The following SNX1 variants were observed in gnomAD, a reference collection of about 807,000 sequenced individuals.
SNX1 encodes sorting nexin 1.
Under a neutral mutation model 71.8 loss-of-function variants are expected in SNX1, and 36 were observed. That is an observed-to-expected ratio of 0.50 (90% CI 0.38 to 0.66). SNX1 has a LOEUF of 0.66. Among genes scored for constraint, SNX1 ranks in the 30% least tolerant of loss-of-function variants. SNX1 has a pLI of 0.00. For missense variants in SNX1, 612 were observed against 646.7 expected (o/e 0.95, Z 0.58); for synonymous variants, 254 against 240.7 (o/e 1.06, Z -0.51).
rs936916834 is a variant in SNX1 at position 64,096,003 on chromosome 15, G to A, written c.-11G>A. 1.9e-6 allele frequency: 3 copies of A among 1,595,974 alleles called. No individual in the cohort carries two copies. Among genetic ancestry groups the A allele is most frequent in the African/African-American group, 1.3e-5 (1 of 74,968 alleles). On this transcript the variant is annotated 5_prime_UTR_variant, in exon 1 of 15. Coordinates refer to ENST00000559844, the MANE Select transcript of SNX1 (RefSeq NM_003099.5). The stretch of plus-strand genomic sequence containing the variant: ...AGTTGTTGTTGCGGCTTCCGCCGCG[G>A]GTGGAAGAAGATGGCGTCGGGTGGT...
At chr15:64,104,311 C>T (rs377387237) in intron 1 of SNX1, among the ~76,000 whole-genome samples, 3 of 129,300 alleles carry the variant, frequency 2.3e-5, no homozygotes, top group South Asian at 2.4e-4. Flanking sequence ...CTCGCTGTGT[C>T]GCCCCAGCTG....
chr15:64,110,574 A>T (rs574947894), intron 1 of SNX1, among the ~76,000 whole-genome samples: 70 of 149,922 alleles, frequency 4.7e-4, no homozygotes, highest in South Asian at 4.7e-3. Context: ...TTTAAAAAAA[A>T]TTTTTTTTTT....
At position 64,142,924 on chromosome 15, in the gene SNX1, AGTTTT is replaced by A; in HGVS notation, c.*5307_*5311del. 3.6e-6 allele frequency: 1 copy of A among 278,826 alleles called. No individual in the cohort carries two copies. The highest frequency in any genetic ancestry group is 7.1e-6 in the Non-Finnish European group (1 of 140,120). The allele number at this position is 278,826 out of a possible 1,614,324, so 17.3% of individuals were successfully genotyped here. On this transcript the variant is annotated 3_prime_UTR_variant, in exon 15 of 15. Coordinates refer to ENST00000559844, the MANE Select transcript of SNX1 (RefSeq NM_003099.5). ...CCTAAAAAGTCTTTGAAGCAACTCA[AGTTTT>A]AAAAAAGGGGAGGAACTCCTGGAAA...
chr15:64,135,865 T>C lies in SNX1; in HGVS notation c.1366-465T>C, dbSNP rs2081354183. Among the ~76,000 whole-genome samples the C allele has an allele frequency of 1.3e-5, 2 of 151,672 alleles. 1 individual carries two copies. Among genetic ancestry groups the C allele is most frequent in the South Asian group, 4.2e-4 (2 of 4,816 alleles). Reference sequence around the variant, plus strand: ...TGAACCTGAGAGGCAGAGGTTGCAGTGAGCCAAGATCGCACCACTGTACTC... The same window carrying C: ...TGAACCTGAGAGGCAGAGGTTGCAGCGAGCCAAGATCGCACCACTGTACTC... On this transcript the variant is annotated intron_variant, in intron 12 of 14. Coordinates refer to ENST00000559844, the MANE Select transcript of SNX1 (RefSeq NM_003099.5).
At position 64,137,758 on chromosome 15, in the gene SNX1, C is replaced by G; in HGVS notation, c.*140C>G. On this transcript the variant is annotated 3_prime_UTR_variant, in exon 15 of 15. Transcript: ENST00000559844. Reference sequence around the variant, plus strand: ...CTCCCTGTCCCCACGACCAACTGTCCCCAGTTACTCTAACCGTTATTTCAT... The same window carrying G: ...CTCCCTGTCCCCACGACCAACTGTCGCCAGTTACTCTAACCGTTATTTCAT... 6.7e-7 allele frequency: 1 copy of G among 1,481,844 alleles called. No homozygotes were observed. The highest frequency in any genetic ancestry group is 1.8e-4 in the Middle Eastern group (1 of 5,618). 91.8% of individuals were successfully genotyped at this position (1,481,844 alleles called of 1,614,324 possible).
intron 12 of SNX1, 104 bp from the exon 13 acceptor site, chr15:64,136,226 T>A: frequency 1.2e-6 from 1 of 853,678 alleles, no homozygotes; most frequent in South Asian, 1.4e-5. Context: ...CAGACAGACA[T>A]AATGATCAAT....
chr15:64,124,709 C>T (rs545555724), intron 5 of SNX1, among the ~76,000 whole-genome samples: 15 of 152,146 alleles, frequency 9.9e-5, no homozygotes, highest in Non-Finnish European at 1.6e-4. Flanking sequence ...ATCTCTAGTA[C>T]ACACGTAGAA....
At chr15:64,130,073 T>G in intron 9 of SNX1, 44 bp downstream of exon 9, 1 of 1,525,572 alleles carries the variant, frequency 6.6e-7, no homozygotes, top group Non-Finnish European at 9.1e-7. Flanking sequence ...ACCTCAGGCT[T>G]ATGGGTCAGA....
rs11551152 is a variant in SNX1 at position 64,137,899 on chromosome 15, T to C, written c.*281T>C. ...TGGAGTATTGATATAAATATATAAATACAAATGTATATTTTTCAGGATGTG... is the reference window on the plus strand; with the variant it reads ...TGGAGTATTGATATAAATATATAAACACAAATGTATATTTTTCAGGATGTG... On this transcript the variant is annotated 3_prime_UTR_variant, in exon 15 of 15. Coordinates refer to ENST00000559844, the MANE Select transcript of SNX1 (RefSeq NM_003099.5). The C allele has an allele frequency of 0.06, 84,181 of 1,405,288 alleles. 2,808 individuals are homozygous for C. The highest frequency in any genetic ancestry group is 0.1 in the Middle Eastern group (410 of 4,092). 87.1% of individuals were successfully genotyped at this position (1,405,288 alleles called of 1,614,324 possible).
chr15:64,131,982 A>G lies in SNX1; in HGVS notation c.1221+90A>G, dbSNP rs566042027. The G allele has an allele frequency of 1.1e-5, 15 of 1,365,090 alleles. No homozygotes were observed. In the South Asian group the frequency reaches 1.5e-4, roughly 13 times the overall value. The allele number at this position is 1,365,090 out of a possible 1,614,324, so 84.6% of individuals were successfully genotyped here. ...CTTCCCAAGACAGTTTCATCCCATT[A>G]TAGCTTGTAAATAGGTGTCACTTTT... On this transcript the variant is annotated intron_variant, in intron 11 of 14. Coordinates refer to ENST00000559844, the MANE Select transcript of SNX1 (RefSeq NM_003099.5).
chr15:64,125,194 G>A (rs182413736), intron 5 of SNX1, among the ~76,000 whole-genome samples: 5 of 152,298 alleles, frequency 3.3e-5, no homozygotes, highest in Admixed American at 1.3e-4. Flanking sequence ...TTGGCGCAGT[G>A]GCTCACGCCT....
chr15:64,100,176 T>TCTTTTTTG (rs1233556687), intron 1 of SNX1, among the ~76,000 whole-genome samples: 2 of 152,220 alleles, frequency 1.3e-5, no homozygotes, highest in Admixed American at 6.5e-5. Context: ...ACTGCTGCTG[T>TCTTTTTTG]TAATCATCCC....
At chr15:64,097,469 C>T (rs1047970495) in intron 1 of SNX1, among the ~76,000 whole-genome samples, 1 of 152,106 alleles carries the variant, frequency 6.6e-6, no homozygotes, top group Non-Finnish European at 1.5e-5. Flanking sequence ...AGAAAGTTAA[C>T]GTAAGTTGAC....
rs1315681089 is a variant in SNX1 at position 64,138,103 on chromosome 15, G to C, written c.*485G>C. 6.5e-7 allele frequency: 1 copy of C among 1,535,824 alleles called. No individual in the cohort carries two copies. The highest frequency in any genetic ancestry group is 8.7e-7 in the Non-Finnish European group (1 of 1,146,890). On this transcript the variant is annotated 3_prime_UTR_variant, in exon 15 of 15. Coordinates refer to ENST00000559844, the MANE Select transcript of SNX1 (RefSeq NM_003099.5). ...CTAACCAAGAAGTTGCCCAGGTATA[G>C]TAAGTTTTTCTCTACCGTTCACAAG... is the stretch of plus-strand genomic sequence containing the variant.
At chr15:64,132,010 T>C in intron 11 of SNX1, 118 bp downstream of exon 11, 1 of 1,021,904 alleles carries the variant, frequency 9.8e-7, no homozygotes, top group Non-Finnish European at 1.5e-6. Flanking sequence ...TCACTTTTTC[T>C]ACTTTTAAGA....
chr15:64,105,149 C>T (rs1479044986), intron 1 of SNX1, among the ~76,000 whole-genome samples: 1 of 150,190 alleles, frequency 6.7e-6, no homozygotes, highest in Non-Finnish European at 1.5e-5. Flanking sequence ...GCATGAGAAT[C>T]GCTTGAACCC....
intron 14 of SNX1, 90 bp downstream of exon 14, chr15:64,137,022 C>A: frequency 9.8e-7 from 1 of 1,020,818 alleles, no homozygotes. Context: ...ATGTGCAGGC[C>A]CTGCTTCTGA....
chr15:64,137,000 T>C, intron 14 of SNX1, 68 bp downstream of exon 14: 2 of 1,299,686 alleles, frequency 1.5e-6, no homozygotes, highest in Non-Finnish European at 2.2e-6. Context: ...TCCTCGGGGC[T>C]TCTGCAACAA....
rs2080894718 is a variant in SNX1 at position 64,096,049 on chromosome 15, G to A, written c.36G>A (p.Glu12=). The A allele has an allele frequency of 1.3e-6, 2 of 1,592,962 alleles. No homozygotes were observed. Among genetic ancestry groups the A allele is most frequent in the African/African-American group, 1.3e-5 (1 of 74,850 alleles). ...GTGGTGGTGGCTGTAGCGCTTCGGAGAGACTGCCTCCGCCCTTCCCCGGCC... is the reference window on the plus strand; with the variant it reads ...GTGGTGGTGGCTGTAGCGCTTCGGAAAGACTGCCTCCGCCCTTCCCCGGCC... ...ASGGGGCSAS[E]RLPPPFPGLE... The change falls in exon 1 of 15, where the codon GAG becomes GAA. Residue 12 remains glutamate, a synonymous_variant. Transcript: ENST00000559844.
Sources: allele counts gnomAD v4.1 joint callset (sites outside exome capture counted in the v4.1 genomes callset), GRCh38; gene constraint gnomAD v4.1.1; transcripts MANE v1.5; gene names NCBI Gene and HGNC (gene_info 2026-07-23, HGNC 2026-07-21).